The following RALGPS1 variants were observed in gnomAD, a reference collection of about 807,000 sequenced individuals.
The protein encoded by RALGPS1 is ras-specific guanine nucleotide-releasing factor RalGPS1.
RALGPS1 carries 19 observed loss-of-function variants against 78.8 expected under a neutral mutation model. That is an observed-to-expected ratio of 0.24 (90% confidence interval 0.17 to 0.35). The LOEUF (loss-of-function observed/expected upper bound fraction) is 0.35, where lower values mean the gene tolerates loss of function less well. Among genes scored for constraint, RALGPS1 ranks in the 10% least tolerant of loss-of-function variants. RALGPS1 has a pLI of 1.00. For synonymous variants in RALGPS1, 228 were observed against 256.3 expected (o/e 0.89, Z 1.06); for missense variants, 454 against 688.3 (o/e 0.66, Z 3.81).
intron 5 of RALGPS1, among the ~76,000 whole-genome samples, chr9:127,049,594 G>A (rs1374290141): frequency 1.3e-5 from 2 of 152,136 alleles, no homozygotes; most frequent in African/African-American, 4.8e-5. Flanking sequence ...GCTGGCTGGG[G>A]ATATGGACCT....
chr9:127,075,508 A>G (rs1361760653), intron 8 of RALGPS1, among the ~76,000 whole-genome samples: 1 of 152,254 alleles, frequency 6.6e-6, no homozygotes, highest in Non-Finnish European at 1.5e-5. Context: ...CTTCTCAAAA[A>G]TGCAACCTGT....
At chr9:126,933,376 G>T (rs980994244) in intron 1 of RALGPS1, among the ~76,000 whole-genome samples, 1 of 151,934 alleles carries the variant, frequency 6.6e-6, no homozygotes, top group Non-Finnish European at 1.5e-5. Context: ...CTTCGGGCAG[G>T]GGTTACTGAG....
intron 3 of RALGPS1, among the ~76,000 whole-genome samples, chr9:126,973,566 T>A (rs778846352): frequency 2.0e-5 from 3 of 152,232 alleles, no homozygotes; most frequent in Non-Finnish European, 4.4e-5. Flanking sequence ...ATTGAAGAAC[T>A]TCTGGGGTGG....
At chr9:126,972,572 T>C (rs949388429) in intron 3 of RALGPS1, among the ~76,000 whole-genome samples, 1 of 152,216 alleles carries the variant, frequency 6.6e-6, no homozygotes, top group Admixed American at 6.5e-5. Context: ...TGCCGCCACC[T>C]GCGGTCTTGC....
At chr9:126,962,710 G>T (rs1048008227) in intron 2 of RALGPS1, among the ~76,000 whole-genome samples, 40 of 152,314 alleles carry the variant, frequency 2.6e-4, no homozygotes, top group African/African-American at 9.1e-4. Context: ...CATTCCAACT[G>T]GCCCTGGGTT....
chr9:127,133,383 G>GTC (rs969776319), intron 8 of RALGPS1, among the ~76,000 whole-genome samples: 5 of 152,280 alleles, frequency 3.3e-5, no homozygotes, highest in African/African-American at 1.2e-4. Context: ...GCGCAGCTCA[G>GTC]TCTTCACTGT....
chr9:127,191,858 C>T (rs527571419), intron 11 of RALGPS1, among the ~76,000 whole-genome samples: 95 of 152,010 alleles, frequency 6.2e-4, no homozygotes, highest in Admixed American at 1.5e-3. Flanking sequence ...CCACCACGCC[C>T]GGCTAATTTT....
chr9:127,050,265 G>A, intron 6 of RALGPS1, 133 bp downstream of exon 6: 1 of 765,126 alleles, frequency 1.3e-6, no homozygotes, highest in Non-Finnish European at 2.2e-6. Flanking sequence ...ACAGGGTGCT[G>A]TGGCTTGACT....
chr9:127,174,275 GAGAA>G (rs747474785), intron 10 of RALGPS1, among the ~76,000 whole-genome samples: 100 of 139,954 alleles, frequency 7.1e-4, no homozygotes, highest in Middle Eastern at 3.4e-3. Context: ...AAGAGAGAGA[GAGAA>G]AGAAAGAAAG....
At chr9:127,049,072 A>G (rs1452408422) in intron 5 of RALGPS1, among the ~76,000 whole-genome samples, 1 of 152,138 alleles carries the variant, frequency 6.6e-6, no homozygotes, top group Non-Finnish European at 1.5e-5. Context: ...ATTTTTCCCT[A>G]TAAAGTTTAG....
chr9:127,138,787 G>C (rs1178407557), intron 8 of RALGPS1, among the ~76,000 whole-genome samples: 1 of 152,106 alleles, frequency 6.6e-6, no homozygotes, highest in Non-Finnish European at 1.5e-5. Context: ...ACTCCATGGA[G>C]CTCATTAATG....
At position 127,219,399 on chromosome 9, in the gene RALGPS1, G is replaced by A. The variant is rs374844480; in HGVS notation, c.*630G>A. The A allele has an allele frequency of 1.3e-5, 2 of 153,334 alleles. No homozygotes were observed. Among genetic ancestry groups the A allele is most frequent in the East Asian group, 3.8e-4 (2 of 5,202 alleles). 9.5% of individuals were successfully genotyped at this position (153,334 alleles called of 1,614,324 possible). A position where few individuals can be genotyped will look rare whatever the true frequency, so the allele number is the denominator to read the frequency against. On this transcript the variant is annotated 3_prime_UTR_variant, in exon 19 of 19. Transcript: ENST00000259351. The surrounding 1 kb of genome is among the most constrained non-coding windows in gnomAD (Gnocchi z 5.0). ...AGCCCTGTCCACCGAGGAAGGTCAG[G>A]GTGAGAGCCTAGATTCCTCCTGTGT...
In RALGPS1 at chr9:127,183,888, C is replaced by G. The variant is rs1173105852; in HGVS notation, c.910+9106C>G. 1.1e-5 allele frequency: 17 copies of G among 1,549,448 alleles called. No individual in the cohort carries two copies. Among genetic ancestry groups the G allele is most frequent in the East Asian group, 2.4e-5 (1 of 40,852 alleles). ...TGAGTCTCCCATCTCAGCAGCCTGTCACATCAAGGTCAAGCAGAAGAGGCA... is the reference window on the plus strand; with the variant it reads ...TGAGTCTCCCATCTCAGCAGCCTGTGACATCAAGGTCAAGCAGAAGAGGCA... On this transcript the variant is annotated intron_variant, in intron 11 of 18. Transcript: ENST00000259351. This position sits in a 1 kb window ranked among gnomAD's most constrained non-coding sequence, Gnocchi z 4.0.
At chr9:127,179,314 G>C (rs925436373) in intron 11 of RALGPS1, among the ~76,000 whole-genome samples, 1 of 152,218 alleles carries the variant, frequency 6.6e-6, no homozygotes, top group African/African-American at 2.4e-5. Context: ...CAGAGAGTGG[G>C]TGCTGCTGCA....
intron 1 of RALGPS1, 89 bp from the exon 2 acceptor site, chr9:126,962,136 G>A (rs1299225886): frequency 4.4e-6 from 3 of 681,784 alleles, no homozygotes; most frequent in East Asian, 5.4e-5. Context: ...CCTCTGAGAT[G>A]ATCTGCTCAA....
At chr9:127,002,989 A>G (rs1284800098) in intron 4 of RALGPS1, among the ~76,000 whole-genome samples, 11 of 152,188 alleles carry the variant, frequency 7.2e-5, no homozygotes, top group Admixed American at 7.2e-4. Flanking sequence ...ATCAAATGGT[A>G]TTTCTAGTTC....
chr9:126,929,907 C>T (rs2035641152), intron 1 of RALGPS1, among the ~76,000 whole-genome samples: 1 of 152,102 alleles, frequency 6.6e-6, no homozygotes, highest in South Asian at 2.1e-4. Flanking sequence ...GTAGTGCAAT[C>T]ATAGCTCACT....
rs1453200597 is a variant in RALGPS1 at position 127,218,007 on chromosome 9, T to C, written c.1645-733T>C. 6.6e-6 allele frequency among the ~76,000 whole-genome samples: 1 copy of C among 152,218 alleles called. No homozygotes were observed. Among genetic ancestry groups the C allele is most frequent in the Non-Finnish European group, 1.5e-5 (1 of 68,044 alleles). On this transcript the variant is annotated intron_variant, in intron 18 of 18. Transcript: ENST00000259351. The surrounding 1 kb of genome is among the most constrained non-coding windows in gnomAD (Gnocchi z 4.4). ...GACCATTCTTATAACTGTCTCCTGG[T>C]ACATGGAGATGCATTTTTTTCCTAA...
At chr9:127,146,455 T>A (rs1483817592) in intron 8 of RALGPS1, among the ~76,000 whole-genome samples, 1 of 152,192 alleles carries the variant, frequency 6.6e-6, no homozygotes, top group Non-Finnish European at 1.5e-5. Flanking sequence ...ATTTTCTTTA[T>A]CCAGTTTACC....
Sources: allele counts gnomAD v4.1 joint callset (sites outside exome capture counted in the v4.1 genomes callset), GRCh38; gene constraint gnomAD v4.1.1; non-coding constraint Gnocchi (gnomAD v3.1); transcripts MANE v1.5; gene names NCBI Gene and HGNC (gene_info 2026-07-23, HGNC 2026-07-21).